RNLS: variants seen among roughly 807,000 people sequenced by gnomAD.
The protein encoded by RNLS is renalase.
Under a neutral mutation model 39.8 loss-of-function variants are expected in RNLS, and 39 were observed. The ratio of observed to expected loss-of-function variants is 0.98; its 90% CI spans 0.76 to 1.28. RNLS has a LOEUF of 1.28. Among genes scored for constraint, RNLS ranks in the 50% most tolerant of loss-of-function variants. The probability of loss-of-function intolerance (pLI) is 0.00; values close to 1 mark genes in which losing one functional copy is unlikely to be tolerated. For missense variants in RNLS, 410 were observed against 413.3 expected (o/e 0.99, Z 0.07); for synonymous variants, 147 against 150.7 (o/e 0.98, Z 0.18).
intron 4 of RNLS, among the ~76,000 whole-genome samples, chr10:88,498,568 T>C (rs1448768668): frequency 3.3e-5 from 5 of 149,456 alleles, no homozygotes; most frequent in Non-Finnish European, 7.4e-5. Context: ...ATATTGTAAT[T>C]ATGTTACTGA....
intron 6 of RNLS, among the ~76,000 whole-genome samples, chr10:88,296,852 C>T (rs1234031007): frequency 6.6e-6 from 1 of 152,172 alleles, no homozygotes; most frequent in African/African-American, 2.4e-5. Context: ...CCCCTGCTAA[C>T]ACTAATCTGT....
At chr10:88,517,105 G>A (rs1846444981) in intron 4 of RNLS, among the ~76,000 whole-genome samples, 1 of 151,928 alleles carries the variant, frequency 6.6e-6, no homozygotes, top group Non-Finnish European at 1.5e-5. Context: ...AGCTAGGAAT[G>A]GTGAAAGCTG....
chr10:88,219,122 T>C, the RNLS span, among the ~76,000 whole-genome samples: 2 of 152,250 alleles, frequency 1.3e-5, no homozygotes, highest in Non-Finnish European at 2.9e-5. Context: ...CTTCCTCTTT[T>C]GTATCTCCAA....
intron 4 of RNLS, among the ~76,000 whole-genome samples, chr10:88,512,624 T>C (rs1278087197): frequency 6.6e-6 from 1 of 152,130 alleles, no homozygotes; most frequent in Non-Finnish European, 1.5e-5. Flanking sequence ...GAGTACACAT[T>C]TCATAATGTA....
the RNLS span, among the ~76,000 whole-genome samples, chr10:88,265,991 C>T: frequency 2.0e-5 from 3 of 152,184 alleles, no homozygotes; most frequent in East Asian, 1.9e-4. Flanking sequence ...AGGCAGCTCA[C>T]ATTAGAGAAA....
chr10:88,527,713 T>G (rs1002028891), intron 4 of RNLS, among the ~76,000 whole-genome samples: 6 of 152,140 alleles, frequency 3.9e-5, no homozygotes, highest in Non-Finnish European at 8.8e-5. Context: ...CCAGTTGGCA[T>G]TTTAGTTGTG....
At chr10:88,581,532 T>C (rs1850556702) in intron 3 of RNLS, 35 bp downstream of exon 3, 1 of 1,558,946 alleles carries the variant, frequency 6.4e-7, no homozygotes, top group African/African-American at 1.4e-5. Flanking sequence ...TAAATGCTAA[T>C]TTTAAAATTT....
intron 4 of RNLS, among the ~76,000 whole-genome samples, chr10:88,406,845 AT>A (rs1853305519): frequency 6.6e-6 from 1 of 152,100 alleles, no homozygotes; most frequent in African/African-American, 2.4e-5. Context: ...AAACTGTGGT[AT>A]ATGATGAAAT....
At chr10:88,378,231 G>A (rs1257997036) in intron 4 of RNLS, among the ~76,000 whole-genome samples, 1 of 151,974 alleles carries the variant, frequency 6.6e-6, no homozygotes, top group African/African-American at 2.4e-5. Flanking sequence ...AGTCTAAGAA[G>A]TACACTCTAA....
intron 4 of RNLS, among the ~76,000 whole-genome samples, chr10:88,531,111 A>G (rs1177313999): frequency 6.6e-6 from 1 of 152,092 alleles, no homozygotes; most frequent in African/African-American, 2.4e-5. Context: ...ATGTCCCTAA[A>G]GCCACTGGTC....
chr10:88,470,982 C>T (rs112041683), intron 4 of RNLS, among the ~76,000 whole-genome samples: 7 of 152,212 alleles, frequency 4.6e-5, no homozygotes, highest in African/African-American at 1.7e-4. Context: ...TAGAGTTCTA[C>T]CACTCTTCAT....
chr10:88,422,760 C>T (rs1854482875), intron 4 of RNLS, among the ~76,000 whole-genome samples: 4 of 150,788 alleles, frequency 2.7e-5, no homozygotes, highest in Admixed American at 2.6e-4. Flanking sequence ...AATTAGATGG[C>T]CCTTTTTTTT....
intron 6 of RNLS, among the ~76,000 whole-genome samples, chr10:88,287,538 A>G (rs1843359370): frequency 6.6e-6 from 1 of 152,170 alleles, no homozygotes; most frequent in Non-Finnish European, 1.5e-5. Context: ...GTGATAACCA[A>G]TAGTCTAATA....
the RNLS span, among the ~76,000 whole-genome samples, chr10:88,268,360 T>C: frequency 6.6e-6 from 1 of 152,198 alleles, no homozygotes; most frequent in Non-Finnish European, 1.5e-5. Context: ...TATTTCCCGA[T>C]GCCCTCCTCA....
At position 88,349,395 on chromosome 10, in the gene RNLS, T is replaced by G. The variant is rs116516890; in HGVS notation, c.700+13157A>C. ...AGGCTGAAAGGGGTCTGTTGTTTGTTTTTACTTTGTGTGCAAATGTTCTCC... is the reference window on the plus strand; with the variant it reads ...AGGCTGAAAGGGGTCTGTTGTTTGTGTTTACTTTGTGTGCAAATGTTCTCC... On this transcript the variant is annotated intron_variant, in intron 5 of 6. Transcript: ENST00000331772. 2.7e-3 allele frequency among the ~76,000 whole-genome samples: 413 copies of G among 152,200 alleles called. 5 individuals are homozygous for G. Among genetic ancestry groups the G allele is most frequent in the African/African-American group, 8.5e-3 (353 of 41,526 alleles).
intron 5 of RNLS, among the ~76,000 whole-genome samples, chr10:88,338,780 T>TG (rs1847701402): frequency 6.7e-6 from 1 of 149,568 alleles, no homozygotes; most frequent in African/African-American, 2.5e-5. Flanking sequence ...TTTTTTTTTT[T>TG]GAGACGGAGT....
At chr10:88,202,852 A>G in the RNLS span, among the ~76,000 whole-genome samples, 6 of 152,144 alleles carry the variant, frequency 3.9e-5, no homozygotes, top group Non-Finnish European at 5.9e-5. Context: ...CATGGCACAC[A>G]GGGCTACATT....
intron 4 of RNLS, among the ~76,000 whole-genome samples, chr10:88,418,310 G>T (rs1854165578): frequency 6.6e-6 from 1 of 152,124 alleles, no homozygotes; most frequent in Non-Finnish European, 1.5e-5. Flanking sequence ...GAGGTAAAAT[G>T]ACTTTTCCTC....
At chr10:88,318,521 C>G (rs930060888) in intron 5 of RNLS, among the ~76,000 whole-genome samples, 23 of 152,358 alleles carry the variant, frequency 1.5e-4, no homozygotes, top group African/African-American at 5.3e-4. Flanking sequence ...TGAATCCACA[C>G]TCGCTGAAAG....
Sources: gnomAD v4.1 joint callset for allele counts (sites outside exome capture counted in the v4.1 genomes callset) on GRCh38, gnomAD v4.1.1 for gene constraint, MANE v1.5 for transcripts, NCBI Gene and HGNC (gene_info 2026-07-23, HGNC 2026-07-21) for gene names.